Variants in GRIK1 observed in about 807,000 individuals in gnomAD.
GRIK1 encodes glutamate receptor ionotropic, kainate 1.
Under a neutral mutation model 105.7 loss-of-function variants are expected in GRIK1, and 69 were observed. The observed-to-expected ratio is 0.65, with a 90% CI of 0.54 to 0.80. The LOEUF (loss-of-function observed/expected upper bound fraction) is 0.80, where lower values mean the gene tolerates loss of function less well. Among genes scored for constraint, GRIK1 ranks in the 30% least tolerant of loss-of-function variants. The probability of loss-of-function intolerance (pLI) is 0.00; values close to 1 mark genes in which losing one functional copy is unlikely to be tolerated. For synonymous variants in GRIK1, 438 were observed against 431.3 expected (o/e 1.02, Z -0.19); for missense variants, 1,109 against 1,167.3 (o/e 0.95, Z 0.73).
In GRIK1 at chr21:29,750,613, T is replaced by C. The variant is rs374632306; in HGVS notation, c.119-56550A>G. ...TGTAAAGGTAGGACGCCAAGCAGTATGGTCCAATCTCTCCTTGATTTTCTG... is the reference window on the plus strand; with the variant it reads ...TGTAAAGGTAGGACGCCAAGCAGTACGGTCCAATCTCTCCTTGATTTTCTG... On this transcript the variant is annotated intron_variant, in intron 1 of 17. Coordinates refer to ENST00000327783, the MANE Select transcript of GRIK1 (RefSeq NM_001330994.2). Among the ~76,000 whole-genome samples the C allele has an allele frequency of 2.6e-5, 4 of 152,240 alleles. No homozygotes were observed. The East Asian group carries it at 5.8e-4, about 22-fold the overall frequency.
At chr21:29,803,150 A>G (rs183037422) in intron 1 of GRIK1, among the ~76,000 whole-genome samples, 1 of 152,310 alleles carries the variant, frequency 6.6e-6, no homozygotes, top group East Asian at 1.9e-4. Flanking sequence ...GGTCAGATGT[A>G]AAGTAACCAT....
In GRIK1 at chr21:29,537,778, G is replaced by T; in HGVS notation, c.2694+20C>A. The T allele has an allele frequency of 1.7e-6, 2 of 1,156,106 alleles. No homozygotes were observed. The highest frequency in any genetic ancestry group is 1.2e-5 in the South Asian group (1 of 81,618). 71.6% of individuals were successfully genotyped at this position (1,156,106 alleles called of 1,614,324 possible). A position where few individuals can be genotyped will look rare whatever the true frequency, so the allele number is the denominator to read the frequency against. On this transcript the variant is annotated intron_variant, in intron 17 of 17. Coordinates refer to ENST00000327783, the MANE Select transcript of GRIK1 (RefSeq NM_001330994.2). The stretch of plus-strand genomic sequence containing the variant: ...CAAGGCATACGGACACTTCAGTAAT[G>T]CTATAGAAAATGAACAAACCTTCTC...
chr21:29,779,987 G>C (rs1235234451), intron 1 of GRIK1, among the ~76,000 whole-genome samples: 1 of 152,164 alleles, frequency 6.6e-6, no homozygotes, highest in African/African-American at 2.4e-5. Flanking sequence ...CTGAACTGCA[G>C]GTTGGGCACT....
intron 1 of GRIK1, among the ~76,000 whole-genome samples, chr21:29,782,156 G>A (rs1272552778): frequency 9.4e-5 from 14 of 148,184 alleles, no homozygotes; most frequent in Non-Finnish European, 1.6e-4. Flanking sequence ...GCGCGATCTC[G>A]GCTCACTGCA....
chr21:29,696,412 G>T (rs1292125714), intron 1 of GRIK1, among the ~76,000 whole-genome samples: 4 of 152,216 alleles, frequency 2.6e-5, no homozygotes, highest in Non-Finnish European at 5.9e-5. Flanking sequence ...CTGTTCAAGT[G>T]AATTTTGTGT....
At chr21:29,796,435 T>C (rs957615802) in intron 1 of GRIK1, among the ~76,000 whole-genome samples, 2 of 152,114 alleles carry the variant, frequency 1.3e-5, no homozygotes, top group Non-Finnish European at 2.9e-5. Context: ...ATTTTCACCA[T>C]TGAGATTATA....
intron 15 of GRIK1, among the ~76,000 whole-genome samples, chr21:29,560,354 T>TCTTTCTTTCTTTCTTTCTTC: frequency 9.7e-6 from 1 of 103,364 alleles, no homozygotes; most frequent in East Asian, 2.7e-4. Flanking sequence ...TTTCTTTCTT[T>TCTTTCTTTCTTTCTTTCTTC]CTTTTTCTTT....
intron 1 of GRIK1, among the ~76,000 whole-genome samples, chr21:29,700,517 G>A (rs2063791650): frequency 1.3e-5 from 2 of 152,246 alleles, no homozygotes; most frequent in South Asian, 4.1e-4. Context: ...CACATTATAT[G>A]GAGAGAATCA....
intron 1 of GRIK1, 24 bp from the exon 2 acceptor site, chr21:29,694,087 G>T: frequency 1.5e-6 from 2 of 1,368,200 alleles, no homozygotes; most frequent in South Asian, 1.2e-5. Flanking sequence ...AGAGATGCAT[G>T]AGAAGCGTTA....
At chr21:29,734,198 C>T (rs181418579) in intron 1 of GRIK1, among the ~76,000 whole-genome samples, 38 of 152,250 alleles carry the variant, frequency 2.5e-4, no homozygotes, top group Admixed American at 2.2e-3. Context: ...ACCTCCATCA[C>T]TACCACTCCA....
intron 1 of GRIK1, among the ~76,000 whole-genome samples, chr21:29,879,691 G>A (rs992320874): frequency 1.3e-5 from 2 of 151,978 alleles, no homozygotes; most frequent in Admixed American, 6.6e-5. Context: ...TAGCAGTCCC[G>A]ATCTTCCATC....
chr21:29,887,470 T>G (rs989658166), intron 1 of GRIK1, among the ~76,000 whole-genome samples: 4 of 152,176 alleles, frequency 2.6e-5, no homozygotes, highest in African/African-American at 9.7e-5. Context: ...ATGTCAGACA[T>G]GGGTAGATCA....
intron 11 of GRIK1, among the ~76,000 whole-genome samples, chr21:29,588,478 A>C (rs1372041609): frequency 2.0e-5 from 3 of 152,076 alleles, no homozygotes; most frequent in African/African-American, 7.2e-5. Context: ...CCCTGCTTTC[A>C]CGCATTCTCT....
Position 29,589,006 on chromosome 21 carries a change from G to T in GRIK1, c.1402C>A (p.Pro468Thr), listed in dbSNP as rs201625258. 1.2e-5 allele frequency: 19 copies of T among 1,601,826 alleles called. No homozygotes were observed. Among genetic ancestry groups the T allele is most frequent in the Non-Finnish European group, 1.4e-5 (16 of 1,168,868 alleles). ...PYVMYRKSDKPLYGNDRFEGY... is the reference protein window; with the variant it reads ...PYVMYRKSDKTLYGNDRFEGY... ...TCAAATCTGTCATTTCCATATAGAG[G>T]CTTATCAGATTTCCTGTACATAACA... is the stretch of plus-strand genomic sequence containing the variant. The change falls in exon 11 of 18, where the codon CCT becomes ACT. Residue 468 changes from proline to threonine, a missense_variant. Pro to Thr is a conservative substitution (Grantham distance 38, BLOSUM62 -1). Transcript: ENST00000327783.
chr21:29,824,055 C>T (rs1357217360), intron 1 of GRIK1, among the ~76,000 whole-genome samples: 2 of 151,784 alleles, frequency 1.3e-5, no homozygotes, highest in Non-Finnish European at 2.9e-5. Flanking sequence ...AGGGGAATTG[C>T]AATTTCTCTG....
intron 6 of GRIK1, among the ~76,000 whole-genome samples, chr21:29,645,958 A>G (rs1189663027): frequency 6.6e-6 from 1 of 152,224 alleles, no homozygotes; most frequent in African/African-American, 2.4e-5. Flanking sequence ...GTAAAGTATT[A>G]ACTCACTAGG....
chr21:29,553,304 A>T, intron 16 of GRIK1: 1 of 1,093,460 alleles, frequency 9.1e-7, no homozygotes, highest in Non-Finnish European at 1.1e-6. Context: ...TAAGATGATG[A>T]GTGGGACAGA....
intron 1 of GRIK1, among the ~76,000 whole-genome samples, chr21:29,709,842 C>T (rs949711302): frequency 2.6e-5 from 4 of 151,490 alleles, no homozygotes; most frequent in African/African-American, 9.7e-5. Context: ...ACTTTAATTT[C>T]CTCTTTATTA....
intron 1 of GRIK1, among the ~76,000 whole-genome samples, chr21:29,846,173 C>T (rs2068105279): frequency 6.8e-6 from 1 of 147,942 alleles, no homozygotes. Context: ...GGCAGATCAC[C>T]TGAGGTTGGG....
Sources: allele counts gnomAD v4.1 joint callset (sites outside exome capture counted in the v4.1 genomes callset), GRCh38; gene constraint gnomAD v4.1.1; transcripts MANE v1.5; gene names NCBI Gene and HGNC (gene_info 2026-07-23, HGNC 2026-07-21).